APLP2: variants seen among roughly 807,000 people sequenced by gnomAD.
APLP2 encodes the protein amyloid beta precursor like protein 2, also known as CDEI box-binding protein.
APLP2 carries 53 observed loss-of-function variants against 89.9 expected under a neutral mutation model. That is an observed-to-expected ratio of 0.59 (90% CI 0.47 to 0.74). The LOEUF (loss-of-function observed/expected upper bound fraction) is 0.74, where lower values mean the gene tolerates loss of function less well. APLP2 is among the 30% of genes least tolerant of loss of function. APLP2 has a pLI of 0.00. For synonymous variants in APLP2, 372 were observed against 348.6 expected, an observed-to-expected ratio of 1.07 and a Z score of -0.75; for missense variants, 973 against 975.9, an observed-to-expected ratio of 1.00 and a Z score of 0.04.
Position 130,127,831 on chromosome 11 carries a change from T to C in APLP2, c.1287T>C (p.Thr429=). ...ACCTCCCCAAAGCAGAGAGGCAGAC[T>C]CTGATTCAGGTAAGATGCCTTCTCT... is the stretch of plus-strand genomic sequence containing the variant. ...AKNLPKAERQ[T]LIQHFQAMVK... The change falls in exon 9 of 17, where the codon ACT becomes ACC. Residue 429 remains threonine, a synonymous_variant. Transcript: ENST00000338167. 6.2e-7 allele frequency: 1 copy of C among 1,614,004 alleles called. No individual in the cohort carries two copies. Among genetic ancestry groups the C allele is most frequent in the Non-Finnish European group, 8.5e-7 (1 of 1,179,878 alleles).
chr11:130,121,896 C>A, intron 5 of APLP2, 86 bp downstream of exon 5: 1 of 1,538,650 alleles, frequency 6.5e-7, no homozygotes, highest in Non-Finnish European at 8.7e-7. Context: ...TAGTCCCTCA[C>A]TTCTGGATAA....
At chr11:130,134,549 C>T (rs1002465215) in intron 12 of APLP2, among the ~76,000 whole-genome samples, 2 of 152,026 alleles carry the variant, frequency 1.3e-5, no homozygotes, top group Non-Finnish European at 1.5e-5. Context: ...AATGGGAAGC[C>T]GTTAGAGGAT....
chr11:130,123,827 G>C lies in APLP2; in HGVS notation c.1090+48G>C, dbSNP rs752399273. The C allele has an allele frequency of 6.3e-7, 1 of 1,594,122 alleles. No individual in the cohort carries two copies. Among genetic ancestry groups the C allele is most frequent in the Non-Finnish European group, 8.6e-7 (1 of 1,167,650 alleles). ...CCCGTGCGGCAGCACCGTCCTGTCT[G>C]GCGTCCGTCTCCCTGCCGTCTTCGT... On this transcript the variant is annotated intron_variant, in intron 7 of 16. Coordinates refer to ENST00000338167, the MANE Select transcript of APLP2 (RefSeq NM_001142276.2). This position sits in a 1 kb window ranked among gnomAD's most constrained non-coding sequence, Gnocchi z 4.0.
At chr11:130,089,390 C>T (rs1245952049) in intron 1 of APLP2, among the ~76,000 whole-genome samples, 1 of 152,226 alleles carries the variant, frequency 6.6e-6, no homozygotes, top group East Asian at 1.9e-4. Context: ...CTCAGCCCCT[C>T]ATCCTCCGTA....
chr11:130,109,432 C>T lies in APLP2; in HGVS notation c.109C>T (p.Leu37Phe). 1 of 1,610,054 alleles carries T rather than the reference C, an allele frequency of 6.2e-7. No homozygotes were observed. Among genetic ancestry groups the T allele is most frequent in the Non-Finnish European group, 8.5e-7 (1 of 1,178,216 alleles). Residue 37 changes from leucine (L) to phenylalanine (F), a missense_variant, in exon 2 of 17, where the codon CTT (leucine) becomes TTT (phenylalanine). By Grantham distance (22) the Leu-to-Phe change is conservative. Coordinates refer to ENST00000338167, the MANE Select transcript of APLP2 (RefSeq NM_001142276.2). Reference sequence around the variant, plus strand: ...GCAATTTTTTTCCCTTTGGTAGGCTCTTGCAGCCAATGCCGGAACAGGATT... The same window carrying T: ...GCAATTTTTTTCCCTTTGGTAGGCTTTTGCAGCCAATGCCGGAACAGGATT... Reference protein sequence around the residue: ...ALALAGYIEALAANAGTGFAV... With the variant: ...ALALAGYIEAFAANAGTGFAV...
chr11:130,122,992 G>GTT (rs1033002078), intron 6 of APLP2, among the ~76,000 whole-genome samples: 3 of 146,434 alleles, frequency 2.0e-5, no homozygotes, highest in Non-Finnish European at 3.0e-5. Context: ...GGGGCCTGCA[G>GTT]TTTTTTTTTT....
chr11:130,129,328 AAG>A, intron 10 of APLP2, 122 bp downstream of exon 10: 5 of 1,202,962 alleles, frequency 4.2e-6, no homozygotes, highest in Non-Finnish European at 5.8e-6. Flanking sequence ...AAGCTAAGGA[AAG>A]ATGATGAGGG....
At chr11:130,077,806 G>C (rs1447174772) in intron 1 of APLP2, among the ~76,000 whole-genome samples, 1 of 152,176 alleles carries the variant, frequency 6.6e-6, no homozygotes, top group Non-Finnish European at 1.5e-5. Flanking sequence ...TGTGCATACT[G>C]TGATGATTTT....
At chr11:130,102,772 G>A (rs186856349) in intron 1 of APLP2, among the ~76,000 whole-genome samples, 2 of 152,274 alleles carry the variant, frequency 1.3e-5, no homozygotes, top group Admixed American at 6.5e-5. Context: ...TCAGGTTTTC[G>A]ACCAAGTTAC....
At chr11:130,075,463 A>C (rs1350619196) in intron 1 of APLP2, among the ~76,000 whole-genome samples, 1 of 152,236 alleles carries the variant, frequency 6.6e-6, no homozygotes, top group Non-Finnish European at 1.5e-5. Flanking sequence ...GATGCTAAAC[A>C]GTACAGTAGT....
At position 130,141,323 on chromosome 11, in the gene APLP2, T is replaced by G; in HGVS notation, c.1924-175T>G. 3.3e-6 allele frequency: 2 copies of G among 602,638 alleles called. No individual in the cohort carries two copies. Among genetic ancestry groups the G allele is most frequent in the Non-Finnish European group, 6.0e-6 (2 of 335,760 alleles). The allele number at this position is 602,638 out of a possible 1,614,324, so 37.3% of individuals were successfully genotyped here. ...TCTTCCCTCCATACCTGCCCCTTCA[T>G]TAGGGGTTTGGGGAGTGGATTTGGA... On this transcript the variant is annotated intron_variant, in intron 14 of 16. Transcript: ENST00000338167. This position sits in a 1 kb window ranked among gnomAD's most constrained non-coding sequence, Gnocchi z 4.2.
intron 1 of APLP2, among the ~76,000 whole-genome samples, chr11:130,095,118 A>C (rs1305351134): frequency 6.6e-6 from 1 of 152,220 alleles, no homozygotes; most frequent in Non-Finnish European, 1.5e-5. Context: ...AATGAGATAG[A>C]CCAGATGCGT....
At chr11:130,117,871 G>C (rs541169683) in intron 3 of APLP2, among the ~76,000 whole-genome samples, 1 of 152,048 alleles carries the variant, frequency 6.6e-6, no homozygotes, top group African/African-American at 2.4e-5. Context: ...TCAGTAGATC[G>C]AGACCATCCT....
Position 130,070,059 on chromosome 11 carries a change from TTGGC to T in APLP2, c.83_86del (p.Leu28CysfsTer31). 6.7e-7 allele frequency: 1 copy of T among 1,493,406 alleles called. No homozygotes were observed. The highest frequency in any genetic ancestry group is 8.8e-7 in the Non-Finnish European group (1 of 1,130,084). The allele number at this position is 1,493,406 out of a possible 1,614,324, so 92.5% of individuals were successfully genotyped here. ...GCTGGTGGGGCTCACGGCGCCTGCC[TTGGC>T]GCTGGCCGGCTACATCGAGGTGGGG... On this transcript the variant is annotated frameshift_variant, in exon 1 of 17. Coordinates refer to ENST00000338167, the MANE Select transcript of APLP2 (RefSeq NM_001142276.2). LOFTEE classifies it high-confidence loss of function.
At chr11:130,122,591 G>A in intron 6 of APLP2, 78 bp downstream of exon 6, 1 of 1,580,542 alleles carries the variant, frequency 6.3e-7, no homozygotes, top group Non-Finnish European at 8.6e-7. Flanking sequence ...GTCTGTCACA[G>A]GTAAGTCAGT....
At position 130,144,385 on chromosome 11, in the gene APLP2, CAG is replaced by C. The variant is rs1297619782; in HGVS notation, c.*941_*942del. On this transcript the variant is annotated 3_prime_UTR_variant, in exon 17 of 17. Coordinates refer to ENST00000338167, the MANE Select transcript of APLP2 (RefSeq NM_001142276.2). ...TGTCACCGGCCTTGTGACATTCACT[CAG>C]AGAAGACCACACCAAGGAGGCGGCC... 2 of 152,294 alleles carry C rather than the reference CAG, an allele frequency of 1.3e-5. No homozygotes were observed. The highest frequency in any genetic ancestry group is 2.9e-5 in the Non-Finnish European group (2 of 68,120). The allele number at this position is 152,294 out of a possible 1,614,324, so 9.4% of individuals were successfully genotyped here.
chr11:130,102,246 G>T (rs1307481372), intron 1 of APLP2, among the ~76,000 whole-genome samples: 1 of 152,192 alleles, frequency 6.6e-6, no homozygotes, highest in Non-Finnish European at 1.5e-5. Context: ...TCTTTTAACA[G>T]ATGGTCCTTT....
chr11:130,093,309 C>T (rs1166881290), intron 1 of APLP2, among the ~76,000 whole-genome samples: 2 of 151,960 alleles, frequency 1.3e-5, no homozygotes, highest in African/African-American at 4.8e-5. Flanking sequence ...TGAACATGAA[C>T]GAGAACAAAA....
chr11:130,126,549 C>T, intron 7 of APLP2, 151 bp from the exon 8 acceptor site: 1 of 861,008 alleles, frequency 1.2e-6, no homozygotes, highest in African/African-American at 1.7e-5. Flanking sequence ...TGTAATCTAA[C>T]CAAGTGAAGT....
Sources: allele counts gnomAD v4.1 joint callset (sites outside exome capture counted in the v4.1 genomes callset), GRCh38; gene constraint gnomAD v4.1.1; non-coding constraint Gnocchi (gnomAD v3.1); transcripts MANE v1.5; gene names NCBI Gene and HGNC (gene_info 2026-07-23, HGNC 2026-07-21).